The following GRAMD1B variants were observed in gnomAD, a reference collection of about 807,000 sequenced individuals.
The protein encoded by GRAMD1B is GRAM domain containing 1B.
GRAMD1B carries 37 observed loss-of-function variants against 99.7 expected under a neutral mutation model. That is an observed-to-expected ratio of 0.37 (90% CI 0.29 to 0.49). The LOEUF (loss-of-function observed/expected upper bound fraction) is 0.49, where lower values mean the gene tolerates loss of function less well. GRAMD1B is among the 20% of genes least tolerant of loss of function. The probability of loss-of-function intolerance (pLI) is 0.98; values close to 1 mark genes in which losing one functional copy is unlikely to be tolerated. For synonymous variants in GRAMD1B, 427 were observed against 387.6 expected, an observed-to-expected ratio of 1.10 and a Z score of -1.19; for missense variants, 888 against 1,009.2, an observed-to-expected ratio of 0.88 and a Z score of 1.63.
At chr11:123,426,450 C>T (rs1393015457), upstream of GRAMD1B, among the ~76,000 whole-genome samples, 1 of 152,240 alleles carries the variant, frequency 6.6e-6, no homozygotes, top group African/African-American at 2.4e-5. Context: ...GGCCATCCTT[C>T]ATTGTGTGTT....
At chr11:123,401,197 G>A (rs375403502) in intron 1 of GRAMD1B, among the ~76,000 whole-genome samples, 4 of 152,208 alleles carry the variant, frequency 2.6e-5, no homozygotes, top group East Asian at 1.9e-4. Context: ...CAACAGTAAC[G>A]TGAAGGATGG....
rs184877002 is a variant in GRAMD1B at position 123,421,764 on chromosome 11, T to C, written c.-175-59052T>C. Reference sequence around the variant, plus strand: ...GTTTCGTTTCCTGGAAAAGGTGACATGTTTCATGTCTATTTGGACACCCAA... The same window carrying C: ...GTTTCGTTTCCTGGAAAAGGTGACACGTTTCATGTCTATTTGGACACCCAA... On this transcript the variant is annotated intron_variant, in intron 1 of 20. Coordinates refer to the GRAMD1B transcript ENST00000638157. Among the ~76,000 whole-genome samples the C allele has an allele frequency of 2.9e-4, 44 of 152,348 alleles. 1 individual carries two copies. The East Asian group carries it at 7.7e-3, about 27-fold the overall frequency.
At chr11:123,392,352 C>G (rs1339607284) in intron 1 of GRAMD1B, among the ~76,000 whole-genome samples, 1 of 151,384 alleles carries the variant, frequency 6.6e-6, no homozygotes, top group Admixed American at 6.6e-5. Context: ...TCTGCTTGTC[C>G]TTTAAGTATT....
chr11:123,527,476 C>CA (rs1942911190), intron 2 of GRAMD1B, among the ~76,000 whole-genome samples: 1 of 152,182 alleles, frequency 6.6e-6, no homozygotes, highest in South Asian at 2.1e-4. Flanking sequence ...TGATGAACAT[C>CA]AGTTATCCCC....
chr11:123,486,564 A>AAAAAAAAAAAAAAAG (rs779982778), intron 2 of GRAMD1B, among the ~76,000 whole-genome samples: 1 of 147,630 alleles, frequency 6.8e-6, no homozygotes, highest in Non-Finnish European at 1.5e-5. Context: ...GAAAAAAAAA[A>AAAAAAAAAAAAAAAG]AAAAACAAAA....
chr11:123,495,638 CCCAAATAAGTGAAA>C (rs1242782241), intron 2 of GRAMD1B, among the ~76,000 whole-genome samples: 2 of 151,586 alleles, frequency 1.3e-5, no homozygotes, highest in Non-Finnish European at 2.9e-5. Flanking sequence ...TTTTAGTTCC[CCCAAATAAGTGAAA>C]CCATGCGAAG....
At chr11:123,619,558 C>G (rs866650926) in intron 19 of GRAMD1B, 1 of 1,180,374 alleles carries the variant, frequency 8.5e-7, no homozygotes, top group Non-Finnish European at 1.1e-6. Flanking sequence ...CCCCCTCAGC[C>G]CTTTTACAGA....
intron 17 of GRAMD1B, among the ~76,000 whole-genome samples, chr11:123,615,952 T>C (rs1169041789): frequency 3.9e-5 from 6 of 152,196 alleles, no homozygotes; most frequent in Non-Finnish European, 5.9e-5. Context: ...CCAACCTTAA[T>C]ATGTCAAATA....
At chr11:123,512,634 G>A (rs1046772503) in intron 2 of GRAMD1B, among the ~76,000 whole-genome samples, 1 of 151,378 alleles carries the variant, frequency 6.6e-6, no homozygotes, top group Admixed American at 6.6e-5. Flanking sequence ...TTTACTTTCA[G>A]GACCTTGACC....
At chr11:123,447,155 A>G (rs1268041788) in intron 1 of GRAMD1B, among the ~76,000 whole-genome samples, 1 of 152,098 alleles carries the variant, frequency 6.6e-6, no homozygotes, top group Non-Finnish European at 1.5e-5. Context: ...GGGAGAGGAG[A>G]AGAGGGGCTT....
In GRAMD1B at chr11:123,613,584, A is replaced by C; in HGVS notation, c.2153A>C (p.His718Pro). 1 of 1,613,876 alleles carries C rather than the reference A, an allele frequency of 6.2e-7. No homozygotes were observed. Among genetic ancestry groups the C allele is most frequent in the Non-Finnish European group, 8.5e-7 (1 of 1,179,840 alleles). ...CCCCATGCCCACCTGCGAGTCCCTC[A>C]CCTGGAAGAGGTGATGAGCCCGGTC... ...KRPHAHLRVP[H>P]LEEVMSPVTT... Residue 718 changes from histidine (H) to proline (P), a missense_variant, in exon 16 of 20, where the codon CAC becomes CCC. Transcript: ENST00000635736.
rs559443291 is a variant in GRAMD1B, at chr11:123,625,609, G to C, written c.*3014G>C. ...CTGACGGTTTGGAGACCTGAGCCTG[G>C]GTCCTGACTTTTCCATTGACTAAGC... On this transcript the variant is annotated 3_prime_UTR_variant, in exon 20 of 20. Transcript: ENST00000635736. 6.6e-6 allele frequency: 1 copy of C among 152,208 alleles called. No homozygotes were observed. Among genetic ancestry groups the C allele is most frequent in the Admixed American group, 6.5e-5 (1 of 15,276 alleles). The allele number at this position is 152,208 out of a possible 1,614,324, so 9.4% of individuals were successfully genotyped here.
intron 8 of GRAMD1B, among the ~76,000 whole-genome samples, chr11:123,601,178 A>G (rs1238558736): frequency 1.3e-5 from 2 of 152,112 alleles, no homozygotes; most frequent in African/African-American, 4.8e-5. Flanking sequence ...GAATTAGCTA[A>G]CCCTGATGGG....
chr11:123,606,649 A>T lies in GRAMD1B; in HGVS notation c.1364A>T (p.Asp455Val). ...CTGGAGGAAGAGGCGCTGGAGGGAG[A>T]CGGGTCCCTGGAAAAGGAGCTCGCC... is the stretch of plus-strand genomic sequence containing the variant. ...LPLEEEALEG[D>V]GSLEKELAID... is the part of the protein sequence containing the mutation. The change falls in exon 11 of 20, where the codon GAC becomes GTC. Residue 455 changes from aspartate (D) to valine (V), a missense_variant. This residue lies in a region of GRAMD1B where 269 missense variants were observed against 296.6 expected (regional missense o/e 0.91). Transcript: ENST00000635736. 1 of 1,612,902 alleles carries T rather than the reference A, an allele frequency of 6.2e-7. No homozygotes were observed. The highest frequency in any genetic ancestry group is 1.1e-5 in the South Asian group (1 of 90,606).
intron 16 of GRAMD1B, 65 bp downstream of exon 16, chr11:123,613,723 A>G: frequency 8.4e-7 from 1 of 1,190,246 alleles, no homozygotes; most frequent in Non-Finnish European, 1.2e-6. Context: ...TGCCCACACC[A>G]AGGCACACAC....
chr11:123,384,912 T>G (rs547286611), intron 1 of GRAMD1B, among the ~76,000 whole-genome samples: 1 of 152,314 alleles, frequency 6.6e-6, no homozygotes, highest in East Asian at 1.9e-4. Context: ...AAATAAAATA[T>G]CAATTAATAG....
intron 2 of GRAMD1B, among the ~76,000 whole-genome samples, chr11:123,503,151 C>T (rs764612295): frequency 3.0e-4 from 45 of 152,338 alleles, no homozygotes; most frequent in Non-Finnish European, 5.9e-4. Context: ...TGCAGCCTGG[C>T]AATAGGACAT....
chr11:123,366,659 A>T (rs1946330792), intron 1 of GRAMD1B, among the ~76,000 whole-genome samples: 1 of 152,234 alleles, frequency 6.6e-6, no homozygotes, highest in Admixed American at 6.5e-5. Flanking sequence ...GAACACAGAC[A>T]TTTGTACTTT....
At chr11:123,459,680 G>A (rs535324879) in intron 1 of GRAMD1B, 1 of 146,878 alleles carries the variant, frequency 6.8e-6, no homozygotes, top group African/African-American at 2.5e-5. Context: ...CATATACTAG[G>A]TACTCAAATA....
Sources: allele counts gnomAD v4.1 joint callset (sites outside exome capture counted in the v4.1 genomes callset), GRCh38; gene constraint gnomAD v4.1.1; regional missense constraint gnomAD v4.1.1; transcripts MANE v1.5; gene names NCBI Gene and HGNC (gene_info 2026-07-23, HGNC 2026-07-21).